Variants in ABLIM3 observed in about 807,000 individuals in gnomAD.
The protein encoded by ABLIM3 is actin binding LIM protein family member 3.
ABLIM3 carries 61 observed loss-of-function variants against 109.5 expected under a neutral mutation model. The observed-to-expected ratio is 0.56, with a 90% CI of 0.45 to 0.69. ABLIM3 has a LOEUF of 0.69. Among genes scored for constraint, ABLIM3 ranks in the 30% least tolerant of loss-of-function variants. ABLIM3 has a pLI of 0.00. For missense variants in ABLIM3, 796 were observed against 889.5 expected, an observed-to-expected ratio of 0.89 and a Z score of 1.34; for synonymous variants, 300 against 324.8, an observed-to-expected ratio of 0.92 and a Z score of 0.82.
intron 23 of ABLIM3, among the ~76,000 whole-genome samples, chr5:149,256,515 C>G (rs1020638120): frequency 6.6e-6 from 1 of 152,176 alleles, no homozygotes; most frequent in Non-Finnish European, 1.5e-5. Context: ...GGTCCTAGTT[C>G]AGATAAACCA....
chr5:149,233,897 C>T (rs1201777620), intron 10 of ABLIM3, among the ~76,000 whole-genome samples: 1 of 152,162 alleles, frequency 6.6e-6, no homozygotes, highest in Admixed American at 6.5e-5. Flanking sequence ...TCATCATTTG[C>T]CAGGGATGTA....
intron 19 of ABLIM3, 92 bp from the exon 20 acceptor site, chr5:149,250,355 G>T: frequency 7.6e-7 from 1 of 1,308,608 alleles, no homozygotes; most frequent in Non-Finnish European, 1.1e-6. Flanking sequence ...GCTAGGTTGG[G>T]AGCAGTGTTG....
intron 2 of ABLIM3, among the ~76,000 whole-genome samples, chr5:149,163,688 A>G (rs1024092087): frequency 2.6e-5 from 4 of 152,144 alleles, no homozygotes; most frequent in African/African-American, 7.2e-5. Context: ...TTTTCTCTTT[A>G]AAAACCCTAT....
chr5:149,259,895 T>A lies in ABLIM3; in HGVS notation c.*1491T>A, dbSNP rs965578323. ...AACCCTCACTGAGCACCTCTGATGT[T>A]GAGCACCTGCTGAATACTGAGCACT... On this transcript the variant is annotated 3_prime_UTR_variant, in exon 24 of 24. Transcript: ENST00000309868. The A allele has an allele frequency of 6.1e-5, 23 of 376,996 alleles. No individual in the cohort carries two copies. The highest frequency in any genetic ancestry group is 4.5e-4 in the African/African-American group (22 of 48,712). The allele number at this position is 376,996 out of a possible 1,614,324, so 23.4% of individuals were successfully genotyped here. A position where few individuals can be genotyped will look rare whatever the true frequency, so the allele number is the denominator to read the frequency against.
intron 2 of ABLIM3, among the ~76,000 whole-genome samples, chr5:149,151,453 AAGG>A (rs780833326): frequency 2.0e-4 from 31 of 152,224 alleles, no homozygotes; most frequent in Non-Finnish European, 2.9e-4. Flanking sequence ...ATGACTCCTC[AAGG>A]AGATTTTCTT....
intron 2 of ABLIM3, among the ~76,000 whole-genome samples, chr5:149,180,685 T>C (rs1756383896): frequency 6.6e-6 from 1 of 152,226 alleles, no homozygotes; most frequent in African/African-American, 2.4e-5. Flanking sequence ...ACCAAATGTA[T>C]GAATTTTTGC....
Position 149,237,470 on chromosome 5 carries a change from T to C in ABLIM3, c.911T>C (p.Leu304Pro), listed in dbSNP as rs765020392. The C allele has an allele frequency of 8.1e-6, 13 of 1,614,220 alleles. No homozygotes were observed. Among genetic ancestry groups the C allele is most frequent in the Non-Finnish European group, 1.1e-5 (13 of 1,180,040 alleles). ...TAGGCTAAAGTGGATAATGAGATCC[T>C]TAATTACAAAGACCTGGCGGCTCTC... Reference protein sequence around the residue: ...VICAKVDNEILNYKDLAALPK... With the variant: ...VICAKVDNEIPNYKDLAALPK... Residue 304 changes from leucine to proline, a missense_variant, in exon 11 of 24, where the codon CTT (leucine) becomes CCT (proline). Physicochemically the swap from Leu to Pro is moderately conservative, Grantham distance 98. Transcript: ENST00000309868.
intron 23 of ABLIM3, among the ~76,000 whole-genome samples, chr5:149,253,900 A>C (rs543401762): frequency 6.6e-6 from 1 of 152,328 alleles, no homozygotes; most frequent in Non-Finnish European, 1.5e-5. Context: ...AAAGAAAAAA[A>C]GGTTTAATGG....
chr5:149,192,324 A>G (rs774859546), intron 3 of ABLIM3, among the ~76,000 whole-genome samples: 3 of 150,730 alleles, frequency 2.0e-5, no homozygotes, highest in Non-Finnish European at 4.4e-5. Context: ...AATAAGGAGA[A>G]AGGAAAAGAA....
intron 8 of ABLIM3, chr5:149,220,129 A>ATTGAG (rs1760495768): frequency 6.6e-6 from 1 of 152,204 alleles, no homozygotes; most frequent in African/African-American, 2.4e-5. Context: ...TCATTCATTT[A>ATTGAG]GCAAATATCT....
At chr5:149,141,808 C>G in intron 1 of ABLIM3, 154 bp downstream of exon 1, 2 of 500,316 alleles carry the variant, frequency 4.0e-6, no homozygotes, top group Non-Finnish European at 7.2e-6. Flanking sequence ...AACCCCACTT[C>G]TGCCCGGGAT....
chr5:149,186,074 GCTCT>G (rs1248181708), intron 3 of ABLIM3, among the ~76,000 whole-genome samples: 3 of 152,202 alleles, frequency 2.0e-5, no homozygotes, highest in Non-Finnish European at 2.9e-5. Flanking sequence ...AAATAAACTG[GCTCT>G]GGAGAGGGAG....
intron 2 of ABLIM3, among the ~76,000 whole-genome samples, chr5:149,181,599 C>G (rs1462539313): frequency 6.6e-6 from 1 of 152,206 alleles, no homozygotes; most frequent in Non-Finnish European, 1.5e-5. Flanking sequence ...GCAATCAGCT[C>G]TTTGCTCTAT....
At chr5:149,250,238 G>A (rs1488686959) in intron 19 of ABLIM3, among the ~76,000 whole-genome samples, 1 of 152,150 alleles carries the variant, frequency 6.6e-6, no homozygotes, top group Non-Finnish European at 1.5e-5. Flanking sequence ...GGTGCCTTGG[G>A]CAGGTACCTA....
intron 2 of ABLIM3, among the ~76,000 whole-genome samples, chr5:149,148,808 G>C (rs1753165071): frequency 6.6e-6 from 1 of 152,108 alleles, no homozygotes; most frequent in African/African-American, 2.4e-5. Context: ...GTTTGCTCCT[G>C]CTGACTTTAC....
intron 9 of ABLIM3, among the ~76,000 whole-genome samples, chr5:149,231,227 C>T (rs1379395248): frequency 6.6e-6 from 1 of 152,174 alleles, no homozygotes; most frequent in Non-Finnish European, 1.5e-5. Flanking sequence ...CAAAGCACAG[C>T]CGACATCCCC....
At position 149,246,507 on chromosome 5, in the gene ABLIM3, T is replaced by C. The variant is rs766519067; in HGVS notation, c.1512T>C (p.Ser504=). ...PKVPRARRFS[S]GGEEDDFDRS... ...TGCCCCGAGCCAGAAGGTTCTCGTC[T>C]GGAGGAGAGGAGGATGATTTTGACC... The change falls in exon 17 of 24, where the codon TCT becomes TCC. Residue 504 remains serine, a synonymous_variant. Transcript: ENST00000309868. The C allele has an allele frequency of 2.5e-6, 4 of 1,614,136 alleles. No individual in the cohort carries two copies. The highest frequency in any genetic ancestry group is 3.4e-6 in the Non-Finnish European group (4 of 1,180,028).
chr5:149,170,773 C>G (rs960158064), intron 2 of ABLIM3, among the ~76,000 whole-genome samples: 1 of 152,148 alleles, frequency 6.6e-6, no homozygotes, highest in African/African-American at 2.4e-5. Flanking sequence ...ATGGAATGTT[C>G]GTCCGTTGAT....
intron 2 of ABLIM3, among the ~76,000 whole-genome samples, chr5:149,159,578 C>T (rs1754147060): frequency 6.6e-6 from 1 of 152,074 alleles, no homozygotes; most frequent in Non-Finnish European, 1.5e-5. Context: ...TATACCTATT[C>T]CCTTAGATAG....
Sources: allele counts gnomAD v4.1 joint callset (sites outside exome capture counted in the v4.1 genomes callset), GRCh38; gene constraint gnomAD v4.1.1; transcripts MANE v1.5; gene names NCBI Gene and HGNC (gene_info 2026-07-23, HGNC 2026-07-21).